DACH2: variants seen among roughly 807,000 people sequenced by gnomAD.
The protein encoded by DACH2 is dachshund family transcription factor 2.
A neutral mutation model predicts 35.8 loss-of-function variants in DACH2; 17 were observed. The observed-to-expected ratio is 0.48, with a 90% confidence interval of 0.33 to 0.71. The LOEUF is 0.71. DACH2 is among the 30% of genes least tolerant of loss of function. The probability of loss-of-function intolerance (pLI) is 0.02; values close to 1 mark genes in which losing one functional copy is unlikely to be tolerated. For synonymous variants in DACH2, 195 were observed against 177.3 expected, an observed-to-expected ratio of 1.10 and a Z score of -0.79; for missense variants, 469 against 472.7, an observed-to-expected ratio of 0.99 and a Z score of 0.07.
In DACH2 at chrX:86,249,726, A is replaced by G. The variant is rs1055327581; in HGVS notation, c.488+100618A>G. Reference sequence around the variant, plus strand: ...GTATATACCCAAAGGAATATAAATTATTCTACCATTAAGACACATACACAT... The same window carrying G: ...GTATATACCCAAAGGAATATAAATTGTTCTACCATTAAGACACATACACAT... On this transcript the variant is annotated intron_variant, in intron 1 of 11. Transcript: ENST00000373125. Among the ~76,000 whole-genome samples, 8 of 111,689 alleles carry G rather than the reference A, an allele frequency of 7.2e-5. No individual in the cohort carries two copies. In the East Asian group the frequency reaches 1.7e-3, roughly 24 times the overall value.
chrX:86,377,352 G>A (rs1316294399), intron 2 of DACH2, among the ~76,000 whole-genome samples: 2 of 111,574 alleles, frequency 1.8e-5, no homozygotes, highest in Admixed American at 1.9e-4. Context: ...GATATGTGTT[G>A]TAGGCATGTT....
chrX:86,598,402 C>A (rs777733895), intron 3 of DACH2, among the ~76,000 whole-genome samples: 177 of 111,707 alleles, frequency 1.6e-3, no homozygotes, highest in Non-Finnish European at 2.7e-3. Flanking sequence ...TGTGTTAAGC[C>A]ATTTGTCTGT....
At chrX:86,485,395 G>A (rs1361191264) in intron 2 of DACH2, among the ~76,000 whole-genome samples, 1 of 111,481 alleles carries the variant, frequency 9.0e-6, no homozygotes, top group East Asian at 2.8e-4. Flanking sequence ...GGGGACTGGA[G>A]AAAGATTGGT....
chrX:86,658,150 TG>T (rs2040564250), intron 4 of DACH2, among the ~76,000 whole-genome samples: 1 of 111,777 alleles, frequency 8.9e-6, no homozygotes, highest in Admixed American at 9.5e-5. Context: ...CAACCAGCAT[TG>T]TCAGAGAGCA....
intron 1 of DACH2, among the ~76,000 whole-genome samples, chrX:86,355,960 A>AT (rs199547170): frequency 0.046 from 5,013 of 108,081 alleles, 130 homozygotes; most frequent in East Asian, 0.21. Flanking sequence ...TAGTTTGCCA[A>AT]TTTTTTTTTC....
chrX:86,392,478 G>A (rs867091688), intron 2 of DACH2, among the ~76,000 whole-genome samples: 3 of 111,816 alleles, frequency 2.7e-5, no homozygotes, highest in African/African-American at 9.7e-5. Context: ...AAGAGAAAAA[G>A]TTAGGCTGAA....
chrX:86,679,498 T>G (rs778896904), intron 4 of DACH2, among the ~76,000 whole-genome samples: 2 of 111,766 alleles, frequency 1.8e-5, no homozygotes, highest in Non-Finnish European at 3.8e-5. Context: ...GCAATGTTAT[T>G]AACTTTGAAG....
chrX:86,384,558 G>T (rs1280493839), intron 2 of DACH2, among the ~76,000 whole-genome samples: 2 of 112,048 alleles, frequency 1.8e-5, no homozygotes, highest in African/African-American at 6.5e-5. Flanking sequence ...TCAATACAAA[G>T]AATTCAATTG....
chrX:86,300,519 G>A (rs1392325262), intron 1 of DACH2, among the ~76,000 whole-genome samples: 1 of 105,991 alleles, frequency 9.4e-6, no homozygotes, highest in African/African-American at 3.5e-5. Flanking sequence ...ATCACACACC[G>A]GGGCCTGTTG....
chrX:86,547,067 A>G (rs766317768), intron 3 of DACH2, among the ~76,000 whole-genome samples: 2 of 110,784 alleles, frequency 1.8e-5, no homozygotes, highest in Non-Finnish European at 3.8e-5. Context: ...CAGGCCATGC[A>G]CCTGTGAATT....
intron 2 of DACH2, among the ~76,000 whole-genome samples, chrX:86,412,094 CTG>C (rs1449817220): frequency 1.8e-5 from 2 of 111,586 alleles, no homozygotes; most frequent in African/African-American, 6.5e-5. Flanking sequence ...CTAGCCAACA[CTG>C]TAACTGCCTT....
At chrX:86,313,567 A>G (rs1429723993) in intron 1 of DACH2, among the ~76,000 whole-genome samples, 2 of 112,187 alleles carry the variant, frequency 1.8e-5, no homozygotes, top group African/African-American at 6.5e-5. Flanking sequence ...TAATTTACCC[A>G]TTTCAAACAT....
At chrX:86,821,976 C>T (rs188941892) in intron 11 of DACH2, among the ~76,000 whole-genome samples, 1 of 111,328 alleles carries the variant, frequency 9.0e-6, no homozygotes, top group East Asian at 2.8e-4. Context: ...CTAGGAAGGG[C>T]TGTTTAACTT....
intron 3 of DACH2, among the ~76,000 whole-genome samples, chrX:86,518,276 C>T (rs1019350468): frequency 8.0e-5 from 9 of 112,115 alleles, no homozygotes; most frequent in Non-Finnish European, 1.5e-4. Context: ...TGTATGAATA[C>T]AATGCTGTTT....
chrX:86,770,666 G>A (rs2041979813), intron 7 of DACH2, among the ~76,000 whole-genome samples: 1 of 111,350 alleles, frequency 9.0e-6, no homozygotes, highest in African/African-American at 3.3e-5. Context: ...TATTTTTCCG[G>A]GGAAAATATC....
intron 1 of DACH2, among the ~76,000 whole-genome samples, chrX:86,233,319 C>T (rs147351037): frequency 1.5e-3 from 164 of 111,708 alleles, no homozygotes; most frequent in Admixed American, 4.0e-3. Flanking sequence ...CAAACCTGCA[C>T]ATGTACACCT....
intron 2 of DACH2, among the ~76,000 whole-genome samples, chrX:86,396,638 A>G (rs2036299826): frequency 9.1e-6 from 1 of 110,058 alleles, no homozygotes; most frequent in Non-Finnish European, 1.9e-5. Context: ...CCATTTATTA[A>G]ATAGGGGATC....
intron 2 of DACH2, among the ~76,000 whole-genome samples, chrX:86,404,939 C>T (rs1056031591): frequency 7.1e-5 from 8 of 112,521 alleles, no homozygotes; most frequent in African/African-American, 2.6e-4. Flanking sequence ...CATGTGGAAG[C>T]CACCAAGGCT....
At chrX:86,442,973 T>A (rs967554664) in intron 2 of DACH2, among the ~76,000 whole-genome samples, 1 of 112,166 alleles carries the variant, frequency 8.9e-6, no homozygotes, top group Admixed American at 9.5e-5. Flanking sequence ...TTTTGGTTAC[T>A]ATAACTTTGT....
Sources: allele counts gnomAD v4.1 joint callset (sites outside exome capture counted in the v4.1 genomes callset), GRCh38; gene constraint gnomAD v4.1.1; transcripts MANE v1.5; gene names NCBI Gene and HGNC (gene_info 2026-07-23, HGNC 2026-07-21).